Variants in SNX3 observed in about 807,000 individuals in gnomAD.
SNX3 encodes sorting nexin-3.
In SNX3, 5 loss-of-function variants were observed where a neutral mutation model predicts 17.7. That is an observed-to-expected ratio of 0.28 (90% CI 0.15 to 0.59). The LOEUF (loss-of-function observed/expected upper bound fraction) is 0.59. Ranked by LOEUF, SNX3 falls within the 20% of genes least tolerant of loss-of-function variation. The probability of loss-of-function intolerance (pLI) is 0.88; values close to 1 mark genes in which losing one functional copy is unlikely to be tolerated. For synonymous variants in SNX3, 91 were observed against 76.5 expected (o/e 1.19, Z -0.99); for missense variants, 132 against 206.8 (o/e 0.64, Z 2.22).
intron 1 of SNX3, among the ~76,000 whole-genome samples, chr6:108,251,149 T>A (rs1451077283): frequency 1.3e-5 from 2 of 152,154 alleles, no homozygotes; most frequent in African/African-American, 4.8e-5. Flanking sequence ...AGATATGCCA[T>A]GTCTTCATGC....
At chr6:108,224,078 C>T (rs1231333507) in intron 1 of SNX3, among the ~76,000 whole-genome samples, 1 of 152,212 alleles carries the variant, frequency 6.6e-6, no homozygotes, top group Admixed American at 6.5e-5. Context: ...GCTCATTCAT[C>T]ATAGCAAAAC....
intron 1 of SNX3, among the ~76,000 whole-genome samples, chr6:108,247,762 CAG>C (rs975692074): frequency 3.9e-5 from 6 of 151,916 alleles, no homozygotes; most frequent in Non-Finnish European, 7.4e-5. Context: ...AGAGAAAACA[CAG>C]AGTGAAAGTG....
intron 1 of SNX3, among the ~76,000 whole-genome samples, chr6:108,223,561 G>A (rs937647180): frequency 1.6e-5 from 2 of 125,918 alleles, no homozygotes; most frequent in African/African-American, 3.2e-5. Flanking sequence ...GCAGTGATGT[G>A]ATCTTGGCTC....
intron 1 of SNX3, among the ~76,000 whole-genome samples, chr6:108,229,626 C>T (rs780697207): frequency 6.6e-6 from 1 of 152,100 alleles, no homozygotes. Flanking sequence ...TCGCTCTTGT[C>T]GCCCATGCTA....
chr6:108,243,587 C>A lies in SNX3; in HGVS notation c.162+17173G>T, dbSNP rs557372573. Among the ~76,000 whole-genome samples, 3 of 152,256 alleles carry A rather than the reference C, an allele frequency of 2.0e-5. No homozygotes were observed. In the South Asian group the frequency reaches 6.2e-4, roughly 32 times the overall value. On this transcript the variant is annotated intron_variant, in intron 1 of 3. Transcript: ENST00000230085. ...ACCTTAGAAAAAGAAAAAAGAAATACTAAAGAAAGCCCTTCCGGCTGAAAA... is the reference window on the plus strand; with the variant it reads ...ACCTTAGAAAAAGAAAAAAGAAATAATAAAGAAAGCCCTTCCGGCTGAAAA...
chr6:108,225,268 C>T (rs1326718150), intron 1 of SNX3, among the ~76,000 whole-genome samples: 5 of 150,144 alleles, frequency 3.3e-5, no homozygotes, highest in Admixed American at 6.6e-5. Context: ...GGCGACTGAG[C>T]GAGACTCCGT....
At chr6:108,215,151 C>T (rs1479597711) in intron 2 of SNX3, among the ~76,000 whole-genome samples, 3 of 151,586 alleles carry the variant, frequency 2.0e-5, no homozygotes, top group Admixed American at 1.3e-4. Flanking sequence ...AGATCGAGAC[C>T]ATCCTGGCTA....
At chr6:108,228,781 G>A (rs1775049381) in intron 1 of SNX3, among the ~76,000 whole-genome samples, 1 of 151,662 alleles carries the variant, frequency 6.6e-6, no homozygotes, top group Non-Finnish European at 1.5e-5. Flanking sequence ...ATTTCAATGG[G>A]AATTAATCCT....
At position 108,226,790 on chromosome 6, in the gene SNX3, C is replaced by G. The variant is rs967227861; in HGVS notation, c.163-3745G>C. ...TTTTTTCCTAAGTGTATTAACTTCT[C>G]TATGTTGTATACCTTACAGCTCAGA... On this transcript the variant is annotated intron_variant, in intron 1 of 3. Coordinates refer to ENST00000230085, the MANE Select transcript of SNX3 (RefSeq NM_003795.6). Among the ~76,000 whole-genome samples the G allele has an allele frequency of 2.6e-5, 4 of 152,288 alleles. No individual in the cohort carries two copies. In the East Asian group the frequency reaches 7.7e-4, roughly 29 times the overall value.
In SNX3 at chr6:108,239,300, G is replaced by A. The variant is rs74447804; in HGVS notation, c.163-16255C>T. On this transcript the variant is annotated intron_variant, in intron 1 of 3. Coordinates refer to ENST00000230085, the MANE Select transcript of SNX3 (RefSeq NM_003795.6). ...TCTTTCTGGAACTCATTAACAGTACGATCATGCCAAATTACTTTCCTTCTC... is the reference window on the plus strand; with the variant it reads ...TCTTTCTGGAACTCATTAACAGTACAATCATGCCAAATTACTTTCCTTCTC... Among the ~76,000 whole-genome samples the A allele has an allele frequency of 1.2e-3, 189 of 152,142 alleles. 6 individuals carry two copies. Among genetic ancestry groups the A allele is most frequent in the Middle Eastern group, 3.4e-3 (1 of 294 alleles).
At position 108,241,156 on chromosome 6, in the gene SNX3, A is replaced by AG; in HGVS notation, c.163-18112_163-18111insC. Among the ~76,000 whole-genome samples the AG allele has an allele frequency of 1.3e-5, 2 of 151,100 alleles. 1 individual carries two copies. Among genetic ancestry groups the AG allele is most frequent in the South Asian group, 4.2e-4 (2 of 4,764 alleles). On this transcript the variant is annotated intron_variant, in intron 1 of 3. Transcript: ENST00000230085. ...AAGACTCCGTCTCAAAAAAAAAAAA[A>AG]AAAAAAAAAAAAAGTATGTGTGCTT...
At position 108,220,993 on chromosome 6, in the gene SNX3, T is replaced by C. The variant is rs78639758; in HGVS notation, c.258+1957A>G. ...CAAAAAAAAAAAAGATGTTTTGATG[T>C]CTGGTAGAACAAATAACCTGCTGCC... On this transcript the variant is annotated intron_variant, in intron 2 of 3. Transcript: ENST00000230085. Among the ~76,000 whole-genome samples the C allele has an allele frequency of 7.8e-4, 118 of 152,060 alleles. 1 individual carries two copies. The East Asian group carries it at 0.021, about 28-fold the overall frequency.
In SNX3 at chr6:108,260,880, C is replaced by A; in HGVS notation, c.42G>T (p.Lys14Asn). Residue 14 changes from lysine to asparagine, a missense_variant, in exon 1 of 4, where the codon AAG becomes AAT. This residue lies in a region of SNX3 where 78 missense variants were observed against 88.8 expected (regional missense o/e 0.88). Transcript: ENST00000230085. ...CGTAGGCGTCATTCAGGTTCTGCGGCTTGGTGATCAGCCGCCGGGTGTCAG... is the reference window on the plus strand; with the variant it reads ...CGTAGGCGTCATTCAGGTTCTGCGGATTGGTGATCAGCCGCCGGGTGTCAG... ...TVADTRRLIT[K>N]PQNLNDAYGP... 2 of 1,611,192 alleles carry A rather than the reference C, an allele frequency of 1.2e-6. No homozygotes were observed. The highest frequency in any genetic ancestry group is 1.7e-6 in the Non-Finnish European group (2 of 1,178,640).
chr6:108,232,750 T>A (rs981720798), intron 1 of SNX3, among the ~76,000 whole-genome samples: 1 of 152,222 alleles, frequency 6.6e-6, no homozygotes, highest in Non-Finnish European at 1.5e-5. Context: ...ATTAAACAGC[T>A]GCATTTCTCC....
At position 108,260,924 on chromosome 6, in the gene SNX3, C is replaced by CGCTGTAGCT; in HGVS notation, c.-12_-4dup. 1 of 1,576,206 alleles carries CGCTGTAGCT rather than the reference C, an allele frequency of 6.3e-7. No individual in the cohort carries two copies. Among genetic ancestry groups the CGCTGTAGCT allele is most frequent in the Non-Finnish European group, 8.6e-7 (1 of 1,161,620 alleles). ...GTGTCAGCCACGGTCTCCGCCATTTCGCTGTAGCTGCTGCCGCCGCCGCGG... is the reference window on the plus strand; with the variant it reads ...GTGTCAGCCACGGTCTCCGCCATTTCGCTGTAGCTGCTGTAGCTGCTGCCGCCGCCGCGG... On this transcript the variant is annotated 5_prime_UTR_variant, in exon 1 of 4. Coordinates refer to ENST00000230085, the MANE Select transcript of SNX3 (RefSeq NM_003795.6).
chr6:108,225,094 A>C (rs1291889476), intron 1 of SNX3, among the ~76,000 whole-genome samples: 1 of 152,138 alleles, frequency 6.6e-6, no homozygotes, highest in African/African-American at 2.4e-5. Flanking sequence ...CATCCTGGCT[A>C]ACAGGTGAAA....
chr6:108,215,121 G>A (rs900207578), intron 2 of SNX3, among the ~76,000 whole-genome samples: 7 of 150,976 alleles, frequency 4.6e-5, no homozygotes, highest in Non-Finnish European at 7.4e-5. Flanking sequence ...AGGCCGAGGC[G>A]GGCAGATCAC....
intron 2 of SNX3, among the ~76,000 whole-genome samples, chr6:108,216,465 CCT>C (rs1445801635): frequency 6.6e-6 from 1 of 152,118 alleles, no homozygotes; most frequent in Non-Finnish European, 1.5e-5. Flanking sequence ...AATCAAGACC[CCT>C]GTCTTAGGCT....
chr6:108,238,702 A>G (rs1466575354), intron 1 of SNX3, among the ~76,000 whole-genome samples: 1 of 152,186 alleles, frequency 6.6e-6, no homozygotes, highest in Non-Finnish European at 1.5e-5. Context: ...CTCACCTAAG[A>G]AATTCCAGGT....
Sources: allele counts gnomAD v4.1 joint callset (sites outside exome capture counted in the v4.1 genomes callset), GRCh38; gene constraint gnomAD v4.1.1; regional missense constraint gnomAD v4.1.1; transcripts MANE v1.5; gene names NCBI Gene and HGNC (gene_info 2026-07-23, HGNC 2026-07-21).